The following CTDSPL2 variants were observed in gnomAD, a reference collection of about 807,000 sequenced individuals.
CTDSPL2 encodes CTD small phosphatase-like protein 2.
Under a neutral mutation model 60.0 loss-of-function variants are expected in CTDSPL2, and 5 were observed. The observed-to-expected ratio is 0.08, with a 90% CI of 0.04 to 0.18. CTDSPL2 has a LOEUF of 0.18. Ranked by LOEUF, CTDSPL2 falls within the 10% of genes least tolerant of loss-of-function variation. The probability of loss-of-function intolerance (pLI) is 1.00; values close to 1 mark genes in which losing one functional copy is unlikely to be tolerated. For missense variants in CTDSPL2, 370 were observed against 548.8 expected, an observed-to-expected ratio of 0.67 and a Z score of 3.26; for synonymous variants, 186 against 189.3, an observed-to-expected ratio of 0.98 and a Z score of 0.14.
rs1567110597 is a variant in CTDSPL2, at chr15:44,526,581, C to A, written c.*2407C>A. ...CTTGAGGCCAAATTAATATATTTTT[C>A]TTTGTTATTTTATTTGAGTCATTTT... is the stretch of plus-strand genomic sequence containing the variant. On this transcript the variant is annotated 3_prime_UTR_variant, in exon 13 of 13. Coordinates refer to ENST00000260327, the MANE Select transcript of CTDSPL2 (RefSeq NM_016396.3). 3 of 151,892 alleles carry A rather than the reference C, an allele frequency of 2.0e-5. No individual in the cohort carries two copies. Among genetic ancestry groups the A allele is most frequent in the African/African-American group, 7.2e-5 (3 of 41,380 alleles). 9.4% of individuals were successfully genotyped at this position (151,892 alleles called of 1,614,324 possible).
chr15:44,470,301 T>A (rs1393593709), intron 2 of CTDSPL2, among the ~76,000 whole-genome samples: 1 of 152,114 alleles, frequency 6.6e-6, no homozygotes. Flanking sequence ...TTGTTAATAT[T>A]ATGATGTATC....
rs544558634 is a variant in CTDSPL2 at position 44,491,078 on chromosome 15, G to T, written c.691+79G>T. ...CAGTATTTCATATTTTTTCTTAAAT[G>T]AGCACATTATATGCATAGGTTTTTC... On this transcript the variant is annotated intron_variant, in intron 5 of 12. Transcript: ENST00000260327. 2.4e-4 allele frequency: 263 copies of T among 1,107,720 alleles called. 1 individual carries two copies. In the East Asian group the frequency reaches 6.1e-3, roughly 26 times the overall value. The allele number at this position is 1,107,720 out of a possible 1,614,324, so 68.6% of individuals were successfully genotyped here.
chr15:44,523,998 T>A (rs2081833340), intron 12 of CTDSPL2, 111 bp from the exon 13 acceptor site: 1 of 773,770 alleles, frequency 1.3e-6, no homozygotes, highest in Admixed American at 2.2e-5. Flanking sequence ...AAATAAAATA[T>A]GTCATAAAAT....
chr15:44,484,865 A>T (rs989234604), intron 3 of CTDSPL2, among the ~76,000 whole-genome samples: 1 of 152,250 alleles, frequency 6.6e-6, no homozygotes. Context: ...GTAAGTAAAG[A>T]TAGAGTATAT....
chr15:44,509,358 C>T (rs1215787168), intron 8 of CTDSPL2, among the ~76,000 whole-genome samples: 2 of 152,010 alleles, frequency 1.3e-5, no homozygotes, highest in Non-Finnish European at 2.9e-5. Flanking sequence ...TGCACCACCA[C>T]CATGCCCAGC....
At position 44,528,507 on chromosome 15, in the gene CTDSPL2, A is replaced by C. The variant is rs1341897619; in HGVS notation, c.*4333A>C. The C allele has an allele frequency of 1.3e-5, 2 of 150,844 alleles. No homozygotes were observed. The highest frequency in any genetic ancestry group is 1.5e-5 in the Non-Finnish European group (1 of 67,700). 9.3% of individuals were successfully genotyped at this position (150,844 alleles called of 1,614,324 possible). On this transcript the variant is annotated 3_prime_UTR_variant, in exon 13 of 13. Transcript: ENST00000260327. The stretch of plus-strand genomic sequence containing the variant: ...TTCACCAGACATCTCTTTGTGGTAG[A>C]GTTTTTTTTTTTTTAAACTGGGACC...
At chr15:44,450,018 G>A (rs2080303033) in intron 1 of CTDSPL2, among the ~76,000 whole-genome samples, 1 of 151,612 alleles carries the variant, frequency 6.6e-6, no homozygotes, top group East Asian at 1.9e-4. Context: ...ATTTTTTTAC[G>A]TTTGCATTAT....
chr15:44,514,907 A>C, intron 10 of CTDSPL2, 63 bp downstream of exon 10: 1 of 1,015,704 alleles, frequency 9.8e-7, no homozygotes, highest in Non-Finnish European at 1.5e-6. Flanking sequence ...TACTGATTCT[A>C]TTTCATTTTA....
At chr15:44,506,025 C>CTTTTTTTTTTTTTTTTTTTTTTTTTTTT (rs753896129) in intron 8 of CTDSPL2, among the ~76,000 whole-genome samples, 10 of 117,580 alleles carry the variant, frequency 8.5e-5, no homozygotes, top group East Asian at 2.7e-4. Flanking sequence ...TCATTGGTAA[C>CTTTTTTTTTTTTTTTTTTTTTTTTTTTT]TTTTTTTTTT....
chr15:44,502,476 C>G (rs2140837435), intron 8 of CTDSPL2, among the ~76,000 whole-genome samples: 1 of 151,972 alleles, frequency 6.6e-6, no homozygotes, highest in Middle Eastern at 3.4e-3. Context: ...GGTTGGCAAC[C>G]TTTTTCTATA....
chr15:44,468,156 AATTCTGG>A (rs1268805011), intron 2 of CTDSPL2, among the ~76,000 whole-genome samples: 1 of 152,070 alleles, frequency 6.6e-6, no homozygotes, highest in African/African-American at 2.4e-5. Context: ...TTCACTGTTG[AATTCTGG>A]AGTGGGATTT....
intron 1 of CTDSPL2, among the ~76,000 whole-genome samples, chr15:44,438,002 C>T (rs188748385): frequency 2.6e-4 from 39 of 152,226 alleles, no homozygotes; most frequent in African/African-American, 7.9e-4. Flanking sequence ...CAGTGGCTCA[C>T]GCCTGTAATC....
chr15:44,498,611 T>G (rs983654192), intron 7 of CTDSPL2, among the ~76,000 whole-genome samples: 9 of 151,988 alleles, frequency 5.9e-5, no homozygotes, highest in African/African-American at 2.2e-4. Flanking sequence ...GAAAGAAAAT[T>G]TATCTAGGTC....
chr15:44,445,031 C>T (rs1308848989), intron 1 of CTDSPL2, among the ~76,000 whole-genome samples: 5 of 150,696 alleles, frequency 3.3e-5, no homozygotes, highest in South Asian at 4.2e-4. Context: ...TTAGTAGAGA[C>T]GACAGGGTTT....
chr15:44,526,369 A>C lies in CTDSPL2; in HGVS notation c.*2195A>C, dbSNP rs1334288030. The stretch of plus-strand genomic sequence containing the variant: ...CCATAATCTAAAGGGAAATGTAAGC[A>C]CCTATACTCTTGTGCCTGTGGGCAC... On this transcript the variant is annotated 3_prime_UTR_variant, in exon 13 of 13. Coordinates refer to ENST00000260327, the MANE Select transcript of CTDSPL2 (RefSeq NM_016396.3). 1.3e-5 allele frequency: 2 copies of C among 152,156 alleles called. No individual in the cohort carries two copies. Among genetic ancestry groups the C allele is most frequent in the African/African-American group, 2.4e-5 (1 of 41,450 alleles). 9.4% of individuals were successfully genotyped at this position (152,156 alleles called of 1,614,324 possible). A position where few individuals can be genotyped will look rare whatever the true frequency, so the allele number is the denominator to read the frequency against.
chr15:44,429,280 G>A (rs1346462945), intron 1 of CTDSPL2, among the ~76,000 whole-genome samples: 5 of 152,178 alleles, frequency 3.3e-5, no homozygotes, highest in African/African-American at 9.7e-5. Flanking sequence ...TTCCTAAGGC[G>A]AATAGAATAG....
intron 2 of CTDSPL2, among the ~76,000 whole-genome samples, chr15:44,473,278 G>A (rs1048232282): frequency 2.0e-5 from 3 of 152,062 alleles, no homozygotes; most frequent in Admixed American, 6.6e-5. Flanking sequence ...CAAAATCAGG[G>A]TGACAAAGAT....
chr15:44,505,639 C>T (rs1417522652), intron 8 of CTDSPL2, among the ~76,000 whole-genome samples: 2 of 151,046 alleles, frequency 1.3e-5, no homozygotes, highest in African/African-American at 2.4e-5. Context: ...GAGGCTGAGA[C>T]GGGAGAATTG....
chr15:44,494,024 G>A (rs986935953), intron 5 of CTDSPL2, among the ~76,000 whole-genome samples: 1 of 152,064 alleles, frequency 6.6e-6, no homozygotes, highest in African/African-American at 2.4e-5. Context: ...ATTAATTTTT[G>A]TCTTGAAAGA....
Sources: allele counts gnomAD v4.1 joint callset (sites outside exome capture counted in the v4.1 genomes callset), GRCh38; gene constraint gnomAD v4.1.1; transcripts MANE v1.5; gene names NCBI Gene and HGNC (gene_info 2026-07-23, HGNC 2026-07-21).